HIP1: variants seen among roughly 807,000 people sequenced by gnomAD.
HIP1 encodes the protein huntingtin-interacting protein 1.
A neutral mutation model predicts 147.6 loss-of-function variants in HIP1; 65 were observed. The observed-to-expected ratio is 0.44, with a 90% CI of 0.36 to 0.54. HIP1 has a LOEUF of 0.54. HIP1 is among the 20% of genes least tolerant of loss of function. The pLI, the probability that HIP1 is intolerant of heterozygous loss-of-function variation, is 0.00. For missense variants in HIP1, 1,061 were observed against 1,299.6 expected, an observed-to-expected ratio of 0.82 and a Z score of 2.82; for synonymous variants, 479 against 504.0, an observed-to-expected ratio of 0.95 and a Z score of 0.67.
intron 7 of HIP1, among the ~76,000 whole-genome samples, chr7:75,578,684 C>T (rs887403184): frequency 2.6e-5 from 4 of 151,930 alleles, no homozygotes; most frequent in Admixed American, 2.6e-4. Context: ...TCAAAAGAAA[C>T]AACAACAAAA....
intron 14 of HIP1, among the ~76,000 whole-genome samples, 155 bp from the exon 15 acceptor site, chr7:75,558,410 C>T (rs1795097574): frequency 6.6e-6 from 1 of 152,188 alleles, no homozygotes; most frequent in Non-Finnish European, 1.5e-5. Context: ...AATCACTGTT[C>T]ACTGCAGCCT....
At chr7:75,550,838 A>G (rs1447640704) in intron 22 of HIP1, among the ~76,000 whole-genome samples, 1 of 152,200 alleles carries the variant, frequency 6.6e-6, no homozygotes, top group African/African-American at 2.4e-5. Context: ...TTCACTCAAC[A>G]TTCTATGTGT....
At chr7:75,605,264 G>A (rs1005161761) in intron 1 of HIP1, among the ~76,000 whole-genome samples, 1 of 152,182 alleles carries the variant, frequency 6.6e-6, no homozygotes, top group Non-Finnish European at 1.5e-5. Context: ...CTGGGTCTGG[G>A]GTTCTGGACA....
chr7:75,610,458 C>G (rs1431430326), intron 1 of HIP1, among the ~76,000 whole-genome samples: 3 of 152,046 alleles, frequency 2.0e-5, no homozygotes, highest in African/African-American at 7.2e-5. Context: ...GACCCTCCCC[C>G]AACAGCCTCC....
chr7:75,663,552 G>A (rs969953779), intron 1 of HIP1, among the ~76,000 whole-genome samples: 2 of 151,988 alleles, frequency 1.3e-5, no homozygotes, highest in Admixed American at 1.3e-4. Context: ...GACAGGAGCA[G>A]ATCTGAGTTT....
intron 2 of HIP1, among the ~76,000 whole-genome samples, chr7:75,597,831 C>G (rs936442775): frequency 6.6e-6 from 1 of 152,094 alleles, no homozygotes; most frequent in South Asian, 2.1e-4. Flanking sequence ...TTAGCCACCC[C>G]CCTGGCAGAC....
intron 1 of HIP1, among the ~76,000 whole-genome samples, chr7:75,622,825 A>C (rs1554507360): frequency 6.6e-6 from 1 of 151,864 alleles, no homozygotes; most frequent in Non-Finnish European, 1.5e-5. Context: ...CCTGGGCAAC[A>C]GAGCAAGATT....
intron 4 of HIP1, among the ~76,000 whole-genome samples, chr7:75,589,780 G>A (rs1554500346): frequency 6.7e-6 from 1 of 150,176 alleles, no homozygotes; most frequent in Non-Finnish European, 1.5e-5. Flanking sequence ...ACCTAGGCTG[G>A]AGTGCAGTGG....
At chr7:75,559,054 T>G (rs1285857523) in intron 14 of HIP1, among the ~76,000 whole-genome samples, 1 of 152,170 alleles carries the variant, frequency 6.6e-6, no homozygotes, top group Admixed American at 6.5e-5. Flanking sequence ...AAGCCAGGGA[T>G]TCATGCCTCT....
At chr7:75,538,570 CTTTTTTT>C (rs67030357) in intron 30 of HIP1, among the ~76,000 whole-genome samples, 9 of 112,938 alleles carry the variant, frequency 8.0e-5, no homozygotes, top group South Asian at 2.9e-4. Context: ...CTGATCCCTT[CTTTTTTT>C]TTTTTTTTTT....
At chr7:75,724,335 C>A (rs1554522108) in intron 1 of HIP1, among the ~76,000 whole-genome samples, 1 of 152,174 alleles carries the variant, frequency 6.6e-6, no homozygotes. Context: ...GCAACCTCTG[C>A]CTCCCGGGTT....
intron 9 of HIP1, among the ~76,000 whole-genome samples, chr7:75,563,541 A>G (rs1417077083): frequency 6.6e-6 from 1 of 152,230 alleles, no homozygotes; most frequent in African/African-American, 2.4e-5. Context: ...TGTAGAACAC[A>G]TGTTGTTATT....
rs1794333839 is a variant in HIP1 at position 75,541,876 on chromosome 7, C to T, written c.2952+43G>A. ...TGGGAATAATATTCAGAGTCCATGT[C>T]TAGGCAATAGAGGCTATCTAGACTT... is the stretch of plus-strand genomic sequence containing the variant. On this transcript the variant is annotated intron_variant, in intron 29 of 30. Coordinates refer to ENST00000336926, the MANE Select transcript of HIP1 (RefSeq NM_005338.7). 2.1e-6 allele frequency: 3 copies of T among 1,409,308 alleles called. No individual in the cohort carries two copies. In the East Asian group the frequency reaches 6.8e-5, roughly 32 times the overall value. The allele number at this position is 1,409,308 out of a possible 1,614,324, so 87.3% of individuals were successfully genotyped here.
intron 29 of HIP1, among the ~76,000 whole-genome samples, chr7:75,540,627 A>G (rs1263069290): frequency 2.6e-5 from 4 of 151,964 alleles, no homozygotes; most frequent in Admixed American, 2.6e-4. Context: ...AGAAAAAAAA[A>G]TGCTGAGTGA....
chr7:75,612,681 C>T lies in HIP1; in HGVS notation c.121-13434G>A, dbSNP rs587728958. On this transcript the variant is annotated intron_variant, in intron 1 of 30. Coordinates refer to ENST00000336926, the MANE Select transcript of HIP1 (RefSeq NM_005338.7). ...AAAATTAGCCAGGCCTGGTGGTGGG[C>T]GCCTGTAATTCCAGCTACTCAGGAG... Among the ~76,000 whole-genome samples the T allele has an allele frequency of 1.8e-3, 258 of 144,976 alleles. 1 individual carries two copies. The highest frequency in any genetic ancestry group is 4.2e-3 in the Middle Eastern group (1 of 240).
At chr7:75,671,621 T>G (rs1241692152) in intron 1 of HIP1, among the ~76,000 whole-genome samples, 1 of 152,208 alleles carries the variant, frequency 6.6e-6, no homozygotes, top group Non-Finnish European at 1.5e-5. Context: ...CTATTTTTAA[T>G]TTTTTGAGGA....
intron 1 of HIP1, among the ~76,000 whole-genome samples, chr7:75,701,692 ATAAT>A (rs1554519191): frequency 6.6e-6 from 1 of 152,074 alleles, no homozygotes; most frequent in East Asian, 1.9e-4. Context: ...TCTACTAAAA[ATAAT>A]TAAAGAATTA....
chr7:75,575,232 G>A (rs1053075736), intron 7 of HIP1, among the ~76,000 whole-genome samples: 3 of 152,070 alleles, frequency 2.0e-5, no homozygotes, highest in Non-Finnish European at 4.4e-5. Context: ...AGGCCGAGGC[G>A]GGTGGATCGC....
chr7:75,643,038 A>C (rs1206740340), intron 1 of HIP1, among the ~76,000 whole-genome samples: 2 of 152,208 alleles, frequency 1.3e-5, no homozygotes, highest in Admixed American at 1.3e-4. Flanking sequence ...TTCGTACAGA[A>C]GGTGAGGTGG....
Sources: gnomAD v4.1 joint callset for allele counts (sites outside exome capture counted in the v4.1 genomes callset) on GRCh38, gnomAD v4.1.1 for gene constraint, MANE v1.5 for transcripts, NCBI Gene and HGNC (gene_info 2026-07-23, HGNC 2026-07-21) for gene names.